Variants in CTBP2 observed in about 807,000 individuals in gnomAD.
CTBP2 encodes C-terminal binding protein 2, also known as C-terminal-binding protein 2.
CTBP2 carries 30 observed loss-of-function variants against 80.3 expected under a neutral mutation model. That is an observed-to-expected ratio of 0.37 (90% CI 0.28 to 0.51). CTBP2 has a LOEUF of 0.51. Ranked by LOEUF, CTBP2 falls within the 20% of genes least tolerant of loss-of-function variation. CTBP2 has a pLI of 0.93. For synonymous variants in CTBP2, 594 were observed against 587.4 expected, an observed-to-expected ratio of 1.01 and a Z score of -0.16; for missense variants, 1,212 against 1,375.3, an observed-to-expected ratio of 0.88 and a Z score of 1.88.
At chr10:125,033,602 T>C (rs1479277818) in intron 3 of CTBP2, among the ~76,000 whole-genome samples, 3 of 152,194 alleles carry the variant, frequency 2.0e-5, no homozygotes, top group East Asian at 3.9e-4. Context: ...TCCGCATTCG[T>C]GCGGGCTGCT....
chr10:125,022,789 G>A (rs1957181236), intron 1 of CTBP2, among the ~76,000 whole-genome samples: 2 of 152,224 alleles, frequency 1.3e-5, no homozygotes, highest in African/African-American at 2.4e-5. Context: ...GATGGGGGAA[G>A]CCTGCCGAAG....
At chr10:125,073,220 A>G (rs1189939080) in intron 2 of CTBP2, among the ~76,000 whole-genome samples, 2 of 152,174 alleles carry the variant, frequency 1.3e-5, no homozygotes, top group African/African-American at 4.8e-5. Flanking sequence ...ACACGATGAG[A>G]TTTCTTCAAT....
chr10:125,119,320 C>T (rs1266211493), intron 1 of CTBP2, among the ~76,000 whole-genome samples: 1 of 152,224 alleles, frequency 6.6e-6, no homozygotes, highest in Non-Finnish European at 1.5e-5. Context: ...CCCACTCCCA[C>T]TGCGGTGGAA....
At chr10:125,032,491 G>C (rs1385312060), upstream of CTBP2, among the ~76,000 whole-genome samples, 2 of 152,082 alleles carry the variant, frequency 1.3e-5, no homozygotes, top group Non-Finnish European at 2.9e-5. Flanking sequence ...ACCTTTCTCA[G>C]TCCAATTCTG....
intron 1 of CTBP2, among the ~76,000 whole-genome samples, chr10:125,011,622 G>A (rs1565088076): frequency 6.6e-6 from 1 of 152,182 alleles, no homozygotes; most frequent in Non-Finnish European, 1.5e-5. Context: ...TGAAAACGAA[G>A]CTCATCTGCA....
intron 2 of CTBP2, among the ~76,000 whole-genome samples, chr10:125,071,803 C>A (rs1219264843): frequency 2.6e-5 from 4 of 152,108 alleles, no homozygotes; most frequent in African/African-American, 4.8e-5. Context: ...ACCACCACCC[C>A]CAAACATTCC....
At chr10:125,006,927 A>G (rs572232187) in intron 1 of CTBP2, among the ~76,000 whole-genome samples, 2 of 152,356 alleles carry the variant, frequency 1.3e-5, no homozygotes, top group South Asian at 4.1e-4. Context: ...CCATGCGTAC[A>G]GACCACAAGG....
At chr10:125,133,347 C>T (rs1254776045) in intron 1 of CTBP2, among the ~76,000 whole-genome samples, 1 of 152,208 alleles carries the variant, frequency 6.6e-6, no homozygotes. Context: ...CTCAGACCTG[C>T]TCACCTGCCT....
chr10:125,110,035 C>T (rs1852044844), intron 2 of CTBP2, among the ~76,000 whole-genome samples: 2 of 152,198 alleles, frequency 1.3e-5, no homozygotes, highest in Admixed American at 6.5e-5. Flanking sequence ...CAGGTGGTCA[C>T]CCATGTGTGC....
intron 2 of CTBP2, among the ~76,000 whole-genome samples, chr10:125,107,786 C>A (rs1204271305): frequency 6.6e-6 from 1 of 152,196 alleles, no homozygotes; most frequent in Non-Finnish European, 1.5e-5. Flanking sequence ...TCCTGGAGAT[C>A]TGTCAAAATA....
intron 1 of CTBP2, among the ~76,000 whole-genome samples, chr10:125,144,216 G>A (rs1178045676): frequency 6.6e-6 from 1 of 152,174 alleles, no homozygotes; most frequent in Non-Finnish European, 1.5e-5. Flanking sequence ...GGATTCTCCT[G>A]CTTCCCTTCT....
At chr10:125,011,442 C>G (rs560220559) in intron 1 of CTBP2, among the ~76,000 whole-genome samples, 1 of 152,210 alleles carries the variant, frequency 6.6e-6, no homozygotes. Context: ...TCCAGCCAGT[C>G]AGGTGCAGTC....
At chr10:125,100,441 T>A (rs1376749158) in intron 2 of CTBP2, 2 of 152,134 alleles carry the variant, frequency 1.3e-5, no homozygotes, top group Non-Finnish European at 2.9e-5. Flanking sequence ...ACTGGGAGCA[T>A]GTGTGGAAAA....
intron 1 of CTBP2, among the ~76,000 whole-genome samples, chr10:125,123,043 G>A (rs769247645): frequency 2.6e-5 from 4 of 152,322 alleles, no homozygotes; most frequent in East Asian, 3.9e-4. Flanking sequence ...GATGGTGAAC[G>A]GATTAGTGGT....
intron 1 of CTBP2, among the ~76,000 whole-genome samples, chr10:125,011,876 A>G (rs1198721647): frequency 1.3e-5 from 2 of 152,218 alleles, no homozygotes; most frequent in African/African-American, 4.8e-5. Context: ...AAGCCCAGAC[A>G]CCGTCCTGTT....
At chr10:125,093,819 C>G (rs892008114) in intron 2 of CTBP2, among the ~76,000 whole-genome samples, 3 of 152,186 alleles carry the variant, frequency 2.0e-5, no homozygotes, top group Admixed American at 2.0e-4. Context: ...AAAAACCCTC[C>G]CACGGCCTCG....
chr10:125,039,887 G>A (rs1348510522), intron 2 of CTBP2, among the ~76,000 whole-genome samples: 1 of 152,214 alleles, frequency 6.6e-6, no homozygotes, highest in Non-Finnish European at 1.5e-5. Context: ...CCATCCCCAT[G>A]ACGTTTCAGG....
chr10:124,998,218 G>C, intron 3 of CTBP2, 48 bp from the exon 6 acceptor site: 1 of 1,554,936 alleles, frequency 6.4e-7, no homozygotes, highest in Non-Finnish European at 8.7e-7. Flanking sequence ...CTCAAGATCA[G>C]TGGGGAAGCC....
At chr10:125,014,780 C>T (rs3781426) in intron 1 of CTBP2, among the ~76,000 whole-genome samples, 40,254 of 152,164 alleles carry the variant, frequency 0.26, 5,454 homozygotes, top group African/African-American at 0.3. Flanking sequence ...AGTTCTGAGC[C>T]GTGGTGGACA....
Sources: allele counts gnomAD v4.1 joint callset (sites outside exome capture counted in the v4.1 genomes callset), GRCh38; gene constraint gnomAD v4.1.1; transcripts MANE v1.5; gene names NCBI Gene and HGNC (gene_info 2026-07-23, HGNC 2026-07-21).